The following P2RX4 variants were observed in gnomAD, a reference collection of about 807,000 sequenced individuals.
P2RX4 encodes P2X purinoceptor 4.
In P2RX4, 37 loss-of-function variants were observed where a neutral mutation model predicts 48.0. That is an observed-to-expected ratio of 0.77 (90% CI 0.59 to 1.01). The LOEUF is 1.01. Ranked by LOEUF, P2RX4 falls within the 50% of genes least tolerant of loss-of-function variation. P2RX4 has a pLI of 0.00. For missense variants in P2RX4, 501 were observed against 521.4 expected (o/e 0.96, Z 0.38); for synonymous variants, 200 against 199.7 (o/e 1.00, Z -0.01).
In P2RX4 at chr12:121,222,145, T is replaced by C. The variant is rs753198641; in HGVS notation, c.406T>C (p.Ser136Pro). Reference sequence around the variant, plus strand: ...ATCAGATGCCAGCTGTACTGCCGGCTCTGCCGGCACCCACAGCAACGGTAC... The same window carrying C: ...ATCAGATGCCAGCTGTACTGCCGGCCCTGCCGGCACCCACAGCAACGGTAC... ...CKSDASCTAGSAGTHSNGVST... is the reference protein window; with the variant it reads ...CKSDASCTAGPAGTHSNGVST... Residue 136 changes from serine to proline, a missense_variant, in exon 4 of 12, where the codon TCT becomes CCT. Transcript: ENST00000337233. 1.9e-6 allele frequency: 3 copies of C among 1,590,384 alleles called. No homozygotes were observed. The highest frequency in any genetic ancestry group is 8.6e-7 in the Non-Finnish European group (1 of 1,159,372).
At position 121,217,118 on chromosome 12, in the gene P2RX4, C is replaced by A; in HGVS notation, c.135-16C>A. Reference sequence around the variant, plus strand: ...GAATCCTAATGGCAATTTAAGAGGCCTGTTTTATTTTATAGGTGGGTGTTT... The same window carrying A: ...GAATCCTAATGGCAATTTAAGAGGCATGTTTTATTTTATAGGTGGGTGTTT... On this transcript the variant is annotated splice_polypyrimidine_tract_variant and intron_variant, in intron 1 of 11. Coordinates refer to ENST00000337233, the MANE Select transcript of P2RX4 (RefSeq NM_002560.3). 1 of 1,613,522 alleles carries A rather than the reference C, an allele frequency of 6.2e-7. No homozygotes were observed. The highest frequency in any genetic ancestry group is 8.5e-7 in the Non-Finnish European group (1 of 1,179,440).
At chr12:121,219,710 GAAAGA>G (rs1566002060) in intron 2 of P2RX4, among the ~76,000 whole-genome samples, 1 of 151,950 alleles carries the variant, frequency 6.6e-6, no homozygotes, top group South Asian at 2.1e-4. Context: ...GAAAGGGAAA[GAAAGA>G]AAAGAGAAGA....
chr12:121,222,906 C>T, intron 4 of P2RX4, 41 bp from the exon 5 acceptor site: 1 of 1,501,380 alleles, frequency 6.7e-7, no homozygotes. Context: ...ATAGGAGACC[C>T]CTGTGGACAT....
At chr12:121,214,824 G>C (rs1335398048) in intron 1 of P2RX4, 1 of 152,108 alleles carries the variant, frequency 6.6e-6, no homozygotes, top group Non-Finnish European at 1.5e-5. Context: ...TCTCACTCTT[G>C]CCCAGGCTGG....
rs1887532349 is a variant in P2RX4, at chr12:121,233,792, GT to G, written c.*245del. 4.4e-5 allele frequency: 40 copies of G among 899,374 alleles called. No individual in the cohort carries two copies. The South Asian group carries it at 6.7e-4, about 15-fold the overall frequency. The allele number at this position is 899,374 out of a possible 1,614,324, so 55.7% of individuals were successfully genotyped here. A position where few individuals can be genotyped will look rare whatever the true frequency, so the allele number is the denominator to read the frequency against. On this transcript the variant is annotated 3_prime_UTR_variant, in exon 12 of 12. Coordinates refer to ENST00000337233, the MANE Select transcript of P2RX4 (RefSeq NM_002560.3). ...AACTCTGCTTTTCCCGCAACCTGGG[GT>G]TGTCGGGGGAGCGCTGGCCCGACGC...
chr12:121,212,197 T>A (rs764299483), intron 1 of P2RX4, among the ~76,000 whole-genome samples: 3 of 152,184 alleles, frequency 2.0e-5, no homozygotes, highest in Non-Finnish European at 4.4e-5. Flanking sequence ...AGGTTTGGCT[T>A]CCAATATCTG....
intron 5 of P2RX4, 151 bp downstream of exon 5, chr12:121,223,194 C>T (rs1886759498): frequency 1.6e-6 from 1 of 628,102 alleles, no homozygotes; most frequent in Non-Finnish European, 2.9e-6. Context: ...TGTGCCTCAG[C>T]CTCCCGAGTA....
At chr12:121,222,903 A>C (rs1282167218) in intron 4 of P2RX4, 44 bp from the exon 5 acceptor site, 6 of 1,485,878 alleles carry the variant, frequency 4.0e-6, no homozygotes, top group Non-Finnish European at 5.6e-6. Context: ...AAAATAGGAG[A>C]CCCCTGTGGA....
chr12:121,233,111 C>T lies in P2RX4; in HGVS notation c.1140+19C>T, dbSNP rs1477738562. 2 of 1,540,366 alleles carry T rather than the reference C, an allele frequency of 1.3e-6. No homozygotes were observed. The highest frequency in any genetic ancestry group is 2.2e-5 in the East Asian group (1 of 44,494). On this transcript the variant is annotated intron_variant, in intron 11 of 11. Transcript: ENST00000337233. ...CGAGCAGGTAGGCCCCTCCTGGCCC[C>T]CAGCAGGCACAGGCCTCTCATCTCT...
At chr12:121,216,681 G>C in intron 1 of P2RX4, 1 of 376,984 alleles carries the variant, frequency 2.7e-6, no homozygotes, top group South Asian at 2.5e-5. Context: ...TTAGCCAGGC[G>C]TGTTGGCGCA....
rs1296474861 is a variant in P2RX4 at position 121,230,961 on chromosome 12, ATATAGCCAT to A, written c.885-1448_885-1440del. ...GTATATATATATATAGCCATTATAT[ATATAGCCAT>A]TATATATATATATTTTTTTTTTTTT... On this transcript the variant is annotated intron_variant, in intron 8 of 11. Coordinates refer to ENST00000337233, the MANE Select transcript of P2RX4 (RefSeq NM_002560.3). 2.8e-5 allele frequency among the ~76,000 whole-genome samples: 4 copies of A among 143,080 alleles called. No homozygotes were observed. In the South Asian group the frequency reaches 8.9e-4, roughly 32 times the overall value. The allele number at this position is 143,080 out of a possible 152,430, so 93.9% of individuals were successfully genotyped here.
rs1454948246 is a variant in P2RX4 at position 121,229,465 on chromosome 12, T to C, written c.884+366T>C. Reference sequence around the variant, plus strand: ...TGTGATCCTCCAGTCCAAAGGCCTCTGGGGCCTGGCCCAGGAATTGGTTTC... The same window carrying C: ...TGTGATCCTCCAGTCCAAAGGCCTCCGGGGCCTGGCCCAGGAATTGGTTTC... On this transcript the variant is annotated intron_variant, in intron 8 of 11. Transcript: ENST00000337233. The surrounding 1 kb of genome is among the most constrained non-coding windows in gnomAD (Gnocchi z 4.6). 2.0e-5 allele frequency among the ~76,000 whole-genome samples: 3 copies of C among 152,178 alleles called. No homozygotes were observed.
intron 4 of P2RX4, chr12:121,222,373 T>G (rs2567995): frequency 0.027 from 15,599 of 569,332 alleles, 1,125 homozygotes; most frequent in African/African-American, 0.2. Context: ...TGTTTTTTTT[T>G]TTGTTGTTGT....
chr12:121,225,940 G>T (rs1054903582), intron 5 of P2RX4, among the ~76,000 whole-genome samples: 1 of 151,680 alleles, frequency 6.6e-6, no homozygotes, highest in Non-Finnish European at 1.5e-5. Context: ...CAGTGATAAC[G>T]ATCATGGCTC....
chr12:121,210,350 G>T, intron 1 of P2RX4, 52 bp downstream of exon 1: 16 of 1,413,572 alleles, frequency 1.1e-5, no homozygotes, highest in African/African-American at 1.5e-5. Context: ...TCGCGTCCGC[G>T]CCGTGCGGCG....
rs114352080 is a variant in P2RX4, at chr12:121,217,108, T to C, written c.135-26T>C. The C allele has an allele frequency of 2.2e-4, 351 of 1,611,792 alleles. No individual in the cohort carries two copies. In the African/African-American group the frequency reaches 4.4e-3, roughly 20 times the overall value. On this transcript the variant is annotated intron_variant, in intron 1 of 11. Transcript: ENST00000337233. ...CAAATCCATTGAATCCTAATGGCAA[T>C]TTAAGAGGCCTGTTTTATTTTATAG...
intron 5 of P2RX4, 116 bp from the exon 6 acceptor site, chr12:121,228,417 C>T: frequency 2.3e-6 from 1 of 442,196 alleles, no homozygotes; most frequent in Non-Finnish European, 4.0e-6. Context: ...CACACACACA[C>T]ACACAGACAC....
At position 121,232,943 on chromosome 12, in the gene P2RX4, T is replaced by C. The variant is rs1302025845; in HGVS notation, c.1045-54T>C. On this transcript the variant is annotated intron_variant, in intron 10 of 11. Coordinates refer to ENST00000337233, the MANE Select transcript of P2RX4 (RefSeq NM_002560.3). The surrounding 1 kb of genome is among the most constrained non-coding windows in gnomAD (Gnocchi z 4.3). The stretch of plus-strand genomic sequence containing the variant: ...AGGAAGGGGCACGCAAAGAATAAGA[T>C]GGGTTGATGGGTTGCAAGCATCCTG... The C allele has an allele frequency of 1.6e-6, 2 of 1,216,224 alleles. No individual in the cohort carries two copies. Among genetic ancestry groups the C allele is most frequent in the Non-Finnish European group, 2.4e-6 (2 of 817,944 alleles). The allele number at this position is 1,216,224 out of a possible 1,614,324, so 75.3% of individuals were successfully genotyped here.
At chr12:121,222,833 C>A in intron 4 of P2RX4, 114 bp from the exon 5 acceptor site, 1 of 1,459,190 alleles carries the variant, frequency 6.9e-7, no homozygotes, top group Non-Finnish European at 9.4e-7. Flanking sequence ...ATTTGCACAG[C>A]TCAAGACTGG....
Sources: allele counts gnomAD v4.1 joint callset (sites outside exome capture counted in the v4.1 genomes callset), GRCh38; gene constraint gnomAD v4.1.1; non-coding constraint Gnocchi (gnomAD v3.1); transcripts MANE v1.5; gene names NCBI Gene and HGNC (gene_info 2026-07-23, HGNC 2026-07-21).